The following TMEM74 variants were observed in gnomAD, a reference collection of about 807,000 sequenced individuals.
TMEM74 encodes the protein transmembrane protein 74.
A neutral mutation model predicts 18.1 loss-of-function variants in TMEM74; 13 were observed. That is an observed-to-expected ratio of 0.72 (90% CI 0.47 to 1.14). The LOEUF is 1.14. Among genes scored for constraint, TMEM74 ranks in the 50% most tolerant of loss-of-function variants. The probability of loss-of-function intolerance (pLI) is 0.00; values close to 1 mark genes in which losing one functional copy is unlikely to be tolerated. For missense variants in TMEM74, 372 were observed against 375.9 expected, an observed-to-expected ratio of 0.99 and a Z score of 0.09; for synonymous variants, 159 against 146.6, an observed-to-expected ratio of 1.08 and a Z score of -0.61.
At chr8:108,761,086 G>A (rs1424507282) in intron 1 of TMEM74, among the ~76,000 whole-genome samples, 1 of 151,452 alleles carries the variant, frequency 6.6e-6, no homozygotes, top group African/African-American at 2.4e-5. Flanking sequence ...CCTTATTTTG[G>A]TTTCTATTCG....
At chr8:108,679,672 G>A (rs1199306762) in intron 1 of TMEM74, among the ~76,000 whole-genome samples, 2 of 152,022 alleles carry the variant, frequency 1.3e-5, no homozygotes, top group African/African-American at 2.4e-5. Context: ...AGTAGGTTGT[G>A]AAAATTTTCT....
chr8:108,615,527 C>T (rs746296742), intron 2 of TMEM74, among the ~76,000 whole-genome samples: 2 of 152,104 alleles, frequency 1.3e-5, no homozygotes, highest in Non-Finnish European at 1.5e-5. Context: ...TTTTTACTTC[C>T]AGGCTGTTGT....
At chr8:108,656,747 G>A (rs1812824989) in intron 1 of TMEM74, among the ~76,000 whole-genome samples, 1 of 152,096 alleles carries the variant, frequency 6.6e-6, no homozygotes, top group Admixed American at 6.6e-5. Flanking sequence ...TTTTTGCCAT[G>A]TAGGTAACAA....
At chr8:108,697,169 T>G (rs1030553373) in intron 1 of TMEM74, among the ~76,000 whole-genome samples, 3 of 152,306 alleles carry the variant, frequency 2.0e-5, no homozygotes, top group South Asian at 2.1e-4. Flanking sequence ...TTTCCCACAC[T>G]GCACACTGGA....
chr8:108,609,406 G>C (rs945320913), intron 2 of TMEM74, among the ~76,000 whole-genome samples: 1 of 152,180 alleles, frequency 6.6e-6, no homozygotes, highest in African/African-American at 2.4e-5. Context: ...CCAGCACTTT[G>C]GAGGCCCAGG....
intron 2 of TMEM74, among the ~76,000 whole-genome samples, chr8:108,635,166 C>T (rs983056271): frequency 1.3e-5 from 2 of 151,936 alleles, no homozygotes; most frequent in Non-Finnish European, 2.9e-5. Flanking sequence ...TTGGCTCCTC[C>T]CTCAAATTTC....
chr8:108,672,101 G>A (rs993141893), intron 1 of TMEM74, among the ~76,000 whole-genome samples: 13 of 152,110 alleles, frequency 8.5e-5, no homozygotes, highest in African/African-American at 3.1e-4. Context: ...CATGAATTTG[G>A]AGCGGGCAGG....
At chr8:108,762,757 C>T (rs753325099) in intron 1 of TMEM74, among the ~76,000 whole-genome samples, 6 of 152,190 alleles carry the variant, frequency 3.9e-5, no homozygotes, top group African/African-American at 1.2e-4. Context: ...TAATAGAAGG[C>T]ATAGTGGTAT....
intron 1 of TMEM74, among the ~76,000 whole-genome samples, chr8:108,685,624 A>T (rs1813160138): frequency 6.6e-6 from 1 of 152,180 alleles, no homozygotes; most frequent in Admixed American, 6.5e-5. Flanking sequence ...AGGGTGCCTA[A>T]TTCTATCATG....
intron 1 of TMEM74, among the ~76,000 whole-genome samples, chr8:108,764,533 G>A (rs1030550944): frequency 6.6e-6 from 1 of 152,096 alleles, no homozygotes; most frequent in Non-Finnish European, 1.5e-5. Flanking sequence ...GAAATAGAGA[G>A]TGCTTTGAGT....
chr8:108,608,305 A>G (rs1423661148), intron 3 of TMEM74, among the ~76,000 whole-genome samples: 1 of 134,060 alleles, frequency 7.5e-6, no homozygotes, highest in Non-Finnish European at 1.7e-5. Context: ...TGTCAAAAAA[A>G]AAAAAAAAAG....
intron 1 of TMEM74, among the ~76,000 whole-genome samples, chr8:108,742,306 A>G (rs1813809176): frequency 6.6e-6 from 1 of 152,184 alleles, no homozygotes; most frequent in Admixed American, 6.5e-5. Flanking sequence ...AAAAACAAAA[A>G]ACAATTTCAC....
At chr8:108,682,376 C>T (rs1233130994) in intron 1 of TMEM74, among the ~76,000 whole-genome samples, 1 of 152,052 alleles carries the variant, frequency 6.6e-6, no homozygotes, top group Admixed American at 6.6e-5. Flanking sequence ...GTGATTTCTT[C>T]ATCTAAATTA....
At chr8:108,662,386 CA>C (rs1289836004) in intron 1 of TMEM74, among the ~76,000 whole-genome samples, 2 of 152,024 alleles carry the variant, frequency 1.3e-5, no homozygotes, top group Non-Finnish European at 2.9e-5. Context: ...AGACATTAAA[CA>C]AGGAGACAGA....
chr8:108,622,127 CA>C (rs1812446223), intron 2 of TMEM74, among the ~76,000 whole-genome samples: 1 of 151,962 alleles, frequency 6.6e-6, no homozygotes, highest in South Asian at 2.1e-4. Context: ...TATAAAAGGG[CA>C]AAACGAGAAT....
intron 2 of TMEM74, among the ~76,000 whole-genome samples, chr8:108,654,119 T>A (rs1449747362): frequency 6.6e-6 from 1 of 152,156 alleles, no homozygotes; most frequent in Admixed American, 6.6e-5. Context: ...TATTTATTTA[T>A]TTTTTATTTT....
At chr8:108,738,659 G>A (rs192195567) in intron 1 of TMEM74, among the ~76,000 whole-genome samples, 1 of 152,262 alleles carries the variant, frequency 6.6e-6, no homozygotes, top group East Asian at 1.9e-4. Flanking sequence ...CTGGCCCATT[G>A]ATGGAGCTTC....
chr8:108,655,343 T>C (rs1429515184), exon 2 of TMEM74: 1 of 152,116 alleles, frequency 6.6e-6, no homozygotes, highest in Admixed American at 6.6e-5. Flanking sequence ...GAATCTTCTC[T>C]GCTGGAATCC....
intron 2 of TMEM74, among the ~76,000 whole-genome samples, chr8:108,621,593 T>G (rs1812440874): frequency 6.6e-6 from 1 of 152,102 alleles, no homozygotes; most frequent in South Asian, 2.1e-4. Flanking sequence ...ATGGGAGACT[T>G]GATGGGAAAA....
Sources: allele counts gnomAD v4.1 joint callset (sites outside exome capture counted in the v4.1 genomes callset), GRCh38; gene constraint gnomAD v4.1.1; transcripts MANE v1.5; gene names NCBI Gene and HGNC (gene_info 2026-07-23, HGNC 2026-07-21).